SHANK2: variants seen among roughly 807,000 people sequenced by gnomAD.
The protein encoded by SHANK2 is SH3 and multiple ankyrin repeat domains 2, also known as SH3 and multiple ankyrin repeat domains protein 2.
A neutral mutation model predicts 133.7 loss-of-function variants in SHANK2; 43 were observed. The ratio of observed to expected loss-of-function variants is 0.32; its 90% confidence interval spans 0.25 to 0.41. The LOEUF is 0.41. SHANK2 is among the 10% of genes least tolerant of loss of function. The probability of loss-of-function intolerance (pLI) is 1.00; values close to 1 mark genes in which losing one functional copy is unlikely to be tolerated. For missense variants in SHANK2, 1,994 were observed against 2,235.8 expected, an observed-to-expected ratio of 0.89 and a Z score of 2.18; for synonymous variants, 1,017 against 952.8, an observed-to-expected ratio of 1.07 and a Z score of -1.24.
chr11:71,113,971 G>A (rs117668884), intron 4 of SHANK2, among the ~76,000 whole-genome samples: 2,601 of 152,224 alleles, frequency 0.017, 38 homozygotes, highest in Non-Finnish European at 0.025. Flanking sequence ...CAACATTGTC[G>A]GAGTGGGCTT....
chr11:71,057,835 C>T (rs1950938919), intron 9 of SHANK2, among the ~76,000 whole-genome samples: 3 of 151,480 alleles, frequency 2.0e-5, no homozygotes, highest in Non-Finnish European at 4.4e-5. Context: ...AGGCGTGAAC[C>T]ACCATGCCTG....
At chr11:70,625,148 G>A (rs539491113) in intron 17 of SHANK2, among the ~76,000 whole-genome samples, 1 of 152,138 alleles carries the variant, frequency 6.6e-6, no homozygotes, top group East Asian at 1.9e-4. Flanking sequence ...AGGCAGGCGT[G>A]GGGGGCAGAG....
intron 2 of SHANK2, among the ~76,000 whole-genome samples, chr11:71,149,940 GGGGAA>G (rs1199854768): frequency 4.3e-5 from 1 of 23,042 alleles, no homozygotes; most frequent in Non-Finnish European, 8.5e-5. Flanking sequence ...GAGGAGGGGA[GGGGAA>G]GGAGGGAGAG....
intron 10 of SHANK2, among the ~76,000 whole-genome samples, chr11:70,921,090 T>C (rs1306346204): frequency 1.3e-5 from 2 of 152,200 alleles, no homozygotes. Flanking sequence ...TATGAGGTCA[T>C]GTCCAAAAGA....
chr11:70,490,210 G>C, intron 23 of SHANK2, 66 bp downstream of exon 23: 2 of 1,358,382 alleles, frequency 1.5e-6, no homozygotes, highest in Non-Finnish European at 2.1e-6. Context: ...CAGAATTCCT[G>C]AGGGGCCTAA....
At chr11:70,582,135 G>C (rs2060192873) in intron 17 of SHANK2, among the ~76,000 whole-genome samples, 2 of 152,248 alleles carry the variant, frequency 1.3e-5, no homozygotes, top group Admixed American at 1.3e-4. Context: ...CCAGGGCGGA[G>C]AGTCCAAGGT....
Position 71,088,635 on chromosome 11 carries a change from C to T in SHANK2, c.912+3787G>A, listed in dbSNP as rs1376495916. ...TGGGTGTTCAGGGTTCCATGACTCC[C>T]GCCCCTCGCCCAGCCATGTTTGCTG... On this transcript the variant is annotated intron_variant, in intron 8 of 25. Coordinates refer to ENST00000601538, the MANE Select transcript of SHANK2 (RefSeq NM_012309.5). Among the ~76,000 whole-genome samples, 4 of 152,316 alleles carry T rather than the reference C, an allele frequency of 2.6e-5. No homozygotes were observed. In the South Asian group the frequency reaches 6.2e-4, roughly 24 times the overall value.
intron 2 of SHANK2, among the ~76,000 whole-genome samples, chr11:71,162,017 A>C (rs1271802566): frequency 6.6e-6 from 1 of 152,174 alleles, no homozygotes; most frequent in Non-Finnish European, 1.5e-5. Flanking sequence ...GCCTCTCCTT[A>C]CACTGAATGA....
intron 17 of SHANK2, among the ~76,000 whole-genome samples, chr11:70,588,576 T>C (rs781914141): frequency 6.6e-6 from 1 of 152,206 alleles, no homozygotes; most frequent in Non-Finnish European, 1.5e-5. Flanking sequence ...AAGCCTAATC[T>C]AGAGCAAGGC....
At chr11:71,244,090 T>C (rs1954928693) in intron 1 of SHANK2, among the ~76,000 whole-genome samples, 1 of 152,192 alleles carries the variant, frequency 6.6e-6, no homozygotes, top group South Asian at 2.1e-4. Flanking sequence ...GCCAGACACC[T>C]ACAAAGTCCT....
At position 70,695,784 on chromosome 11, in the gene SHANK2, C is replaced by T. The variant is rs182369910; in HGVS notation, c.1853+2904G>A. Among the ~76,000 whole-genome samples, 8 of 152,306 alleles carry T rather than the reference C, an allele frequency of 5.3e-5. No homozygotes were observed. In the East Asian group the frequency reaches 5.8e-4, roughly 11 times the overall value. ...GCTGTGCTCCATGCAGGGTGGGTGGCGCACGGGAGGAGTGGATAAGCAGGG... is the reference window on the plus strand; with the variant it reads ...GCTGTGCTCCATGCAGGGTGGGTGGTGCACGGGAGGAGTGGATAAGCAGGG... On this transcript the variant is annotated intron_variant, in intron 15 of 25. Transcript: ENST00000601538.
At position 70,797,945 on chromosome 11, in the gene SHANK2, C is replaced by T. The variant is rs1395124646; in HGVS notation, c.1777+498G>A. ...AATCTCTCGGCAATCAATTTTGAAA[C>T]GATTTTCAGCAAGTGCTATATCTGG... On this transcript the variant is annotated intron_variant, in intron 14 of 25. Transcript: ENST00000601538. Among the ~76,000 whole-genome samples the T allele has an allele frequency of 5.3e-5, 8 of 151,600 alleles. No homozygotes were observed. The East Asian group carries it at 7.7e-4, about 15-fold the overall frequency.
chr11:70,815,663 C>G (rs1450622269), intron 12 of SHANK2, among the ~76,000 whole-genome samples: 4 of 152,160 alleles, frequency 2.6e-5, no homozygotes, highest in Non-Finnish European at 4.4e-5. Context: ...GCAGACCCTG[C>G]CTACAGCTCT....
intron 20 of SHANK2, among the ~76,000 whole-genome samples, chr11:70,501,262 C>G (rs1402530895): frequency 2.0e-5 from 3 of 152,256 alleles, no homozygotes; most frequent in Admixed American, 2.0e-4. Flanking sequence ...CCTCAGCGCC[C>G]TGGGCCGAGG....
At chr11:70,531,219 C>G (rs2059465364) in intron 17 of SHANK2, among the ~76,000 whole-genome samples, 1 of 145,660 alleles carries the variant, frequency 6.9e-6, no homozygotes, top group Non-Finnish European at 1.5e-5. Context: ...ATGTATTTTA[C>G]TATGATTTAA....
intron 17 of SHANK2, among the ~76,000 whole-genome samples, chr11:70,587,765 C>T (rs1350348551): frequency 7.2e-6 from 1 of 139,146 alleles, no homozygotes; most frequent in Non-Finnish European, 1.5e-5. Flanking sequence ...AGTACAGTGG[C>T]GAGATCACAG....
At chr11:71,191,721 G>T (rs1555115474) in intron 2 of SHANK2, among the ~76,000 whole-genome samples, 1 of 151,826 alleles carries the variant, frequency 6.6e-6, no homozygotes. Flanking sequence ...ACTACGCCTG[G>T]CTACTTTTTG....
At chr11:70,770,915 CTTTTTTTTTTTTTTT>C (rs71467419) in intron 14 of SHANK2, among the ~76,000 whole-genome samples, 1 of 92,824 alleles carries the variant, frequency 1.1e-5, no homozygotes, top group Admixed American at 1.2e-4. Context: ...CTCTTACTTC[CTTTTTTTTTTTTTTT>C]TTTTTTTTTT....
Position 71,147,259 on chromosome 11 carries a change from G to C in SHANK2, c.68C>G (p.Ser23Trp). 1 of 1,550,994 alleles carries C rather than the reference G, an allele frequency of 6.4e-7. No individual in the cohort carries two copies. The highest frequency in any genetic ancestry group is 1.2e-5 in the South Asian group (1 of 84,058). ...AQSFSDYSVG[S>W]ESDSSKEETI... ...CTCTTCTTTGGAGCTGTCTGACTCCGACCCCACGGAGTAGTCGGAGAAGCT... is the reference window on the plus strand; with the variant it reads ...CTCTTCTTTGGAGCTGTCTGACTCCCACCCCACGGAGTAGTCGGAGAAGCT... The change falls in exon 3 of 26, where the codon TCG becomes TGG. Residue 23 changes from serine (S) to tryptophan (W), a missense_variant. By Grantham distance (177) the Ser-to-Trp change is radical. Coordinates refer to ENST00000601538, the MANE Select transcript of SHANK2 (RefSeq NM_012309.5).
Sources: gnomAD v4.1 joint callset for allele counts (sites outside exome capture counted in the v4.1 genomes callset) on GRCh38, gnomAD v4.1.1 for gene constraint, MANE v1.5 for transcripts, NCBI Gene and HGNC (gene_info 2026-07-23, HGNC 2026-07-21) for gene names.